NT5DC1: variants seen among roughly 807,000 people sequenced by gnomAD.
NT5DC1 encodes 5'-nucleotidase domain-containing protein 1.
In NT5DC1, 42 loss-of-function variants were observed where a neutral mutation model predicts 59.4. The ratio of observed to expected loss-of-function variants is 0.71; its 90% CI spans 0.55 to 0.92. NT5DC1 has a LOEUF of 0.92. Ranked by LOEUF, NT5DC1 falls within the 40% of genes least tolerant of loss-of-function variation. The pLI is 0.00. For missense variants in NT5DC1, 501 were observed against 537.1 expected (o/e 0.93, Z 0.66); for synonymous variants, 172 against 188.1 (o/e 0.91, Z 0.70).
chr6:116,163,106 G>A (rs571478540), intron 6 of NT5DC1, among the ~76,000 whole-genome samples: 108 of 129,828 alleles, frequency 8.3e-4, no homozygotes, highest in African/African-American at 3.2e-3. Context: ...CAGCCTGGGA[G>A]ACACAGCGAG....
At chr6:116,156,096 T>TA (rs1780186001) in intron 6 of NT5DC1, among the ~76,000 whole-genome samples, 1 of 152,196 alleles carries the variant, frequency 6.6e-6, no homozygotes, top group African/African-American at 2.4e-5. Flanking sequence ...ATCTTGAAGT[T>TA]ATGTAAAGGT....
intron 6 of NT5DC1, chr6:116,118,209 C>T: frequency 2.3e-6 from 1 of 432,606 alleles, no homozygotes. Context: ...TGTGAGTTCC[C>T]TAGAATTGAA....
At chr6:116,207,544 A>G (rs1446816887) in intron 6 of NT5DC1, among the ~76,000 whole-genome samples, 3 of 151,948 alleles carry the variant, frequency 2.0e-5, no homozygotes, top group Non-Finnish European at 4.4e-5. Flanking sequence ...TTTGAAAAGT[A>G]TATATGATTG....
intron 6 of NT5DC1, among the ~76,000 whole-genome samples, chr6:116,167,009 A>G (rs771067399): frequency 5.3e-5 from 8 of 152,226 alleles, no homozygotes; most frequent in African/African-American, 7.2e-5. Context: ...TAGGCCTACT[A>G]TAGGACTTAT....
intron 6 of NT5DC1, among the ~76,000 whole-genome samples, chr6:116,176,850 G>A (rs1033559395): frequency 1.3e-5 from 2 of 152,104 alleles, no homozygotes; most frequent in African/African-American, 4.8e-5. Context: ...CTCTTGCCTG[G>A]CTGACTGTCC....
chr6:116,139,433 T>C (rs1329879549), intron 6 of NT5DC1, among the ~76,000 whole-genome samples: 3 of 152,174 alleles, frequency 2.0e-5, no homozygotes. Context: ...TCCACCTATT[T>C]GTATACTTTT....
At position 116,119,756 on chromosome 6, in the gene NT5DC1, A is replaced by T. The variant is rs553227989; in HGVS notation, c.529+1811A>T. ...GAGCTCTATTTCTGTTTTTTTTTTT[A>T]ATTTTTTTTTTGTTGTTTGTTTTTT... On this transcript the variant is annotated intron_variant, in intron 6 of 11. Coordinates refer to ENST00000319550, the MANE Select transcript of NT5DC1 (RefSeq NM_152729.3). The T allele has an allele frequency of 2.6e-3, 594 of 227,868 alleles. 12 individuals are homozygous for T. In the South Asian group the frequency reaches 0.037, roughly 14 times the overall value. The allele number at this position is 227,868 out of a possible 1,614,324, so 14.1% of individuals were successfully genotyped here.
At chr6:116,237,134 C>A (rs754325973) in intron 9 of NT5DC1, 50 bp downstream of exon 9, 1 of 984,182 alleles carries the variant, frequency 1.0e-6, no homozygotes, top group Non-Finnish European at 1.6e-6. Context: ...CAGACATAAG[C>A]AGTTGTGAAC....
At chr6:116,168,936 A>C (rs146402501) in intron 6 of NT5DC1, among the ~76,000 whole-genome samples, 61 of 152,228 alleles carry the variant, frequency 4.0e-4, no homozygotes, top group African/African-American at 1.4e-3. Flanking sequence ...TCTGGTTCGT[A>C]CTTCTTTCTG....
chr6:116,155,695 G>A (rs1780171653), intron 6 of NT5DC1, among the ~76,000 whole-genome samples: 1 of 146,862 alleles, frequency 6.8e-6, no homozygotes, highest in Non-Finnish European at 1.5e-5. Flanking sequence ...TCCATCTAAA[G>A]GGCACTGGGT....
rs534951462 is a variant in NT5DC1 at position 116,136,020 on chromosome 6, C to T, written c.529+18075C>T. ...CTCGAACTATAGTCACCATGCTGTA[C>T]ATTAGATTTCATGAACTTATTCATC... On this transcript the variant is annotated intron_variant, in intron 6 of 11. Transcript: ENST00000319550. Among the ~76,000 whole-genome samples, 114 of 151,922 alleles carry T rather than the reference C, an allele frequency of 7.5e-4. 1 individual carries two copies. Among genetic ancestry groups the T allele is most frequent in the Non-Finnish European group, 1.1e-3 (78 of 67,948 alleles).
intron 6 of NT5DC1, among the ~76,000 whole-genome samples, chr6:116,187,160 C>T (rs979088043): frequency 2.6e-5 from 4 of 152,132 alleles, no homozygotes; most frequent in Non-Finnish European, 5.9e-5. Context: ...AGCAGAGCTA[C>T]TGGGCTTTGA....
At chr6:116,182,266 T>C (rs1256906443) in intron 6 of NT5DC1, among the ~76,000 whole-genome samples, 1 of 151,550 alleles carries the variant, frequency 6.6e-6, no homozygotes, top group African/African-American at 2.4e-5. Flanking sequence ...TCACATTTTC[T>C]TTTTCTTTAT....
chr6:116,240,924 A>C (rs1771699653), intron 11 of NT5DC1, among the ~76,000 whole-genome samples: 1 of 152,276 alleles, frequency 6.6e-6, no homozygotes, highest in Non-Finnish European at 1.5e-5. Context: ...TGGGCGGATC[A>C]CCTGAAGTCA....
At chr6:116,225,469 A>G (rs1159681215) in intron 8 of NT5DC1, among the ~76,000 whole-genome samples, 1 of 152,176 alleles carries the variant, frequency 6.6e-6, no homozygotes, top group Admixed American at 6.5e-5. Flanking sequence ...GATAGATTAT[A>G]GTAGGGAAAA....
intron 9 of NT5DC1, 72 bp from the exon 10 acceptor site, chr6:116,238,115 T>C: frequency 8.6e-7 from 1 of 1,160,944 alleles, no homozygotes; most frequent in Non-Finnish European, 1.2e-6. Context: ...GAAATTTTCT[T>C]CTTCCTTATA....
chr6:116,224,247 A>T (rs529084634), intron 8 of NT5DC1, among the ~76,000 whole-genome samples: 62 of 152,214 alleles, frequency 4.1e-4, no homozygotes, highest in Non-Finnish European at 3.1e-4. Context: ...TTTACTTTGA[A>T]CTTTGCTATT....
rs199887115 is a variant in NT5DC1 at position 116,238,369 on chromosome 6, T to C, written c.1083+21T>C. ...ATGAGGTAAGGGTTCCCTGCAGCTCTTTCCTTGAAAGACAAATATTTATGT... is the reference window on the plus strand; with the variant it reads ...ATGAGGTAAGGGTTCCCTGCAGCTCCTTCCTTGAAAGACAAATATTTATGT... On this transcript the variant is annotated intron_variant, in intron 10 of 11. Coordinates refer to ENST00000319550, the MANE Select transcript of NT5DC1 (RefSeq NM_152729.3). 9.3e-5 allele frequency: 142 copies of C among 1,519,616 alleles called. No individual in the cohort carries two copies. In the African/African-American group the frequency reaches 1.8e-3, roughly 20 times the overall value. The allele number at this position is 1,519,616 out of a possible 1,614,324, so 94.1% of individuals were successfully genotyped here. A position where few individuals can be genotyped will look rare whatever the true frequency, so the allele number is the denominator to read the frequency against.
chr6:116,103,459 T>G (rs1778703650), intron 1 of NT5DC1, among the ~76,000 whole-genome samples: 1 of 152,060 alleles, frequency 6.6e-6, no homozygotes, highest in Non-Finnish European at 1.5e-5. Context: ...CCTTGCTGTC[T>G]GTATGGTGCC....
Sources: allele counts gnomAD v4.1 joint callset (sites outside exome capture counted in the v4.1 genomes callset), GRCh38; gene constraint gnomAD v4.1.1; transcripts MANE v1.5; gene names NCBI Gene and HGNC (gene_info 2026-07-23, HGNC 2026-07-21).